The following AGO3 variants were observed in gnomAD, a reference collection of about 807,000 sequenced individuals.
AGO3 encodes the protein argonaute RISC catalytic component 3, also known as protein argonaute-3.
Under a neutral mutation model 105.5 loss-of-function variants are expected in AGO3, and 16 were observed. The observed-to-expected ratio is 0.15, with a 90% CI of 0.10 to 0.23. The LOEUF is 0.23. Ranked by LOEUF, AGO3 falls within the 10% of genes least tolerant of loss-of-function variation. The pLI, the probability that AGO3 is intolerant of heterozygous loss-of-function variation, is 1.00. For synonymous variants in AGO3, 340 were observed against 367.3 expected (o/e 0.93, Z 0.85); for missense variants, 534 against 1,088.0 (o/e 0.49, Z 7.16).
intron 1 of AGO3, among the ~76,000 whole-genome samples, chr1:35,945,274 A>G (rs1264413463): frequency 1.4e-5 from 2 of 146,350 alleles, no homozygotes; most frequent in Admixed American, 1.4e-4. Context: ...GCGTCGTGTT[A>G]CTATCATAGC....
chr1:36,051,404 A>G (rs1375408903), intron 17 of AGO3, among the ~76,000 whole-genome samples: 4 of 152,206 alleles, frequency 2.6e-5, no homozygotes, highest in African/African-American at 9.6e-5. Context: ...AGGGAAGTTT[A>G]TAGCAATAAA....
At chr1:35,951,542 G>A (rs566268557) in intron 2 of AGO3, among the ~76,000 whole-genome samples, 102 of 152,112 alleles carry the variant, frequency 6.7e-4, no homozygotes, top group Non-Finnish European at 2.5e-4. Flanking sequence ...GAGACCAGGA[G>A]CATGCCTGGC....
chr1:36,028,324 G>T (rs1641601295), intron 12 of AGO3, among the ~76,000 whole-genome samples: 1 of 151,008 alleles, frequency 6.6e-6, no homozygotes, highest in Admixed American at 6.6e-5. Flanking sequence ...GTATACATGT[G>T]CCATGCTGGT....
chr1:36,047,872 C>T (rs1187821365), intron 17 of AGO3, among the ~76,000 whole-genome samples: 3 of 145,806 alleles, frequency 2.1e-5, no homozygotes, highest in South Asian at 2.1e-4. Context: ...AGAGTGAGGC[C>T]CTGTCTCAAA....
chr1:35,935,540 A>G (rs1008629647), intron 1 of AGO3, among the ~76,000 whole-genome samples: 1 of 152,220 alleles, frequency 6.6e-6, no homozygotes, highest in Non-Finnish European at 1.5e-5. Flanking sequence ...ATTAATTTGT[A>G]TTAGTTTATA....
At chr1:36,037,377 C>T (rs192581971) in intron 14 of AGO3, among the ~76,000 whole-genome samples, 4 of 152,114 alleles carry the variant, frequency 2.6e-5, no homozygotes, top group African/African-American at 7.2e-5. Flanking sequence ...CGAAATTAGC[C>T]TGTCGTGGTG....
At chr1:35,946,513 C>T (rs1381969035) in intron 2 of AGO3, among the ~76,000 whole-genome samples, 1 of 152,138 alleles carries the variant, frequency 6.6e-6, no homozygotes, top group Non-Finnish European at 1.5e-5. Context: ...AAAGACAACA[C>T]ATTTTAAAAA....
At position 35,995,209 on chromosome 1, in the gene AGO3, A is replaced by ATATATAT. The variant is rs1553164849; in HGVS notation, c.659-9132_659-9131insTATATAT. ...GAGCAAGACACTGTCTAAAAAAAAA[A>ATATATAT]ATATATATATATATATATATATATA... On this transcript the variant is annotated intron_variant, in intron 5 of 18. Coordinates refer to ENST00000373191, the MANE Select transcript of AGO3 (RefSeq NM_024852.4). Among the ~76,000 whole-genome samples, 476 of 114,636 alleles carry ATATATAT rather than the reference A, an allele frequency of 4.2e-3. 2 individuals carry two copies. Among genetic ancestry groups the ATATATAT allele is most frequent in the African/African-American group, 0.015 (387 of 26,586 alleles). The allele number at this position is 114,636 out of a possible 152,430, so 75.2% of individuals were successfully genotyped here. A position where few individuals can be genotyped will look rare whatever the true frequency, so the allele number is the denominator to read the frequency against.
intron 17 of AGO3, among the ~76,000 whole-genome samples, chr1:36,051,277 C>T (rs912127862): frequency 6.6e-6 from 1 of 152,130 alleles, no homozygotes; most frequent in African/African-American, 2.4e-5. Context: ...TGCTCCTGAA[C>T]AACCAGTGAC....
chr1:36,041,672 C>T (rs1198162906), intron 16 of AGO3, among the ~76,000 whole-genome samples: 2 of 152,158 alleles, frequency 1.3e-5, no homozygotes, highest in Non-Finnish European at 2.9e-5. Context: ...GTTGTTTCCC[C>T]TTGAGAAAGG....
intron 1 of AGO3, among the ~76,000 whole-genome samples, chr1:35,936,673 T>G (rs12026699): frequency 0.15 from 22,191 of 152,120 alleles, 3,768 homozygotes; most frequent in East Asian, 0.68. Context: ...ATTTCCAAAT[T>G]GTCAAGTTCT....
chr1:36,011,889 A>T (rs1215302248), intron 9 of AGO3, among the ~76,000 whole-genome samples: 1 of 152,202 alleles, frequency 6.6e-6, no homozygotes, highest in South Asian at 2.1e-4. Context: ...ACTTGTGAAA[A>T]TGTATCATTA....
rs1642883674 is a variant in AGO3 at position 36,055,402 on chromosome 1, C to T, written c.2475-235C>T. On this transcript the variant is annotated intron_variant, in intron 18 of 18. Transcript: ENST00000373191. The surrounding 1 kb of genome is among the most constrained non-coding windows in gnomAD (Gnocchi z 4.4). ...AAAGTGATACATTCAGACAGATAGACAAAATGATACGATATCTAGGTTTGC... is the reference window on the plus strand; with the variant it reads ...AAAGTGATACATTCAGACAGATAGATAAAATGATACGATATCTAGGTTTGC... 1.6e-6 allele frequency: 1 copy of T among 612,856 alleles called. No individual in the cohort carries two copies. 38.0% of individuals were successfully genotyped at this position (612,856 alleles called of 1,614,324 possible).
At chr1:35,962,601 A>G (rs1468606459) in intron 2 of AGO3, among the ~76,000 whole-genome samples, 3 of 152,074 alleles carry the variant, frequency 2.0e-5, no homozygotes, top group African/African-American at 7.2e-5. Flanking sequence ...GAACAGACAA[A>G]CAGAACACTG....
In AGO3 at chr1:35,973,510, T is replaced by C. The variant is rs1396161858; in HGVS notation, c.657T>C (p.Asp219=). Residue 219 remains aspartate (D), a splice_region_variant and synonymous_variant, in exon 5 of 19, where the codon GAT becomes GAC. Transcript: ENST00000373191. ...PAMWKMMLNI[D]VSATAFYKAQ... ...TGTGGAAAATGATGCTTAATATCGA[T>C]GGTAAGGGAACTAAAGCCATATTCT... 6.3e-7 allele frequency: 1 copy of C among 1,574,958 alleles called. No individual in the cohort carries two copies. The highest frequency in any genetic ancestry group is 8.7e-7 in the Non-Finnish European group (1 of 1,156,054).
intron 5 of AGO3, among the ~76,000 whole-genome samples, chr1:35,976,365 G>GTAAC (rs1259506846): frequency 6.6e-6 from 1 of 151,894 alleles, no homozygotes; most frequent in East Asian, 1.9e-4. Flanking sequence ...CTGTGTTATT[G>GTAAC]AATTCCATTA....
intron 5 of AGO3, among the ~76,000 whole-genome samples, chr1:35,974,735 G>T (rs766090603): frequency 6.6e-6 from 1 of 152,048 alleles, no homozygotes; most frequent in Non-Finnish European, 1.5e-5. Context: ...ATTTCACTAG[G>T]GATTACGAAC....
At chr1:35,966,271 T>C (rs1646772703) in intron 2 of AGO3, among the ~76,000 whole-genome samples, 1 of 152,208 alleles carries the variant, frequency 6.6e-6, no homozygotes, top group South Asian at 2.1e-4. Flanking sequence ...TTGGAATATA[T>C]CCTTTCAGTT....
At chr1:35,974,050 C>T (rs1380267995) in intron 5 of AGO3, among the ~76,000 whole-genome samples, 1 of 152,172 alleles carries the variant, frequency 6.6e-6, no homozygotes, top group African/African-American at 2.4e-5. Context: ...GAGTACATTT[C>T]TTCCTCTACA....
Sources: gnomAD v4.1 joint callset for allele counts (sites outside exome capture counted in the v4.1 genomes callset) on GRCh38, gnomAD v4.1.1 for gene constraint, Gnocchi (gnomAD v3.1) non-coding constraint, MANE v1.5 for transcripts, NCBI Gene and HGNC (gene_info 2026-07-23, HGNC 2026-07-21) for gene names.